TECR: variants seen among roughly 807,000 people sequenced by gnomAD.
TECR encodes trans-2,3-enoyl-CoA reductase.
Under a neutral mutation model 50.6 loss-of-function variants are expected in TECR, and 19 were observed. The observed-to-expected ratio is 0.38, with a 90% CI of 0.26 to 0.55. TECR has a LOEUF of 0.55. TECR is among the 20% of genes least tolerant of loss of function. The pLI is 0.79. For synonymous variants in TECR, 168 were observed against 163.5 expected (o/e 1.03, Z -0.21); for missense variants, 313 against 408.3 (o/e 0.77, Z 2.01).
Position 14,565,952 on chromosome 19 carries a change from C to G in TECR, c.*81C>G. 7 of 1,545,768 alleles carry G rather than the reference C, an allele frequency of 4.5e-6. No individual in the cohort carries two copies. Among genetic ancestry groups the G allele is most frequent in the Non-Finnish European group, 6.1e-6 (7 of 1,145,788 alleles). ...GTGGGGCCCACAGCTCTCCAGCACCCGGAATAAAGCCCGCCTGCCCCAGTC... is the reference window on the plus strand; with the variant it reads ...GTGGGGCCCACAGCTCTCCAGCACCGGGAATAAAGCCCGCCTGCCCCAGTC... On this transcript the variant is annotated 3_prime_UTR_variant, in exon 13 of 13. Coordinates refer to ENST00000215567, the MANE Select transcript of TECR (RefSeq NM_138501.6).
intron 1 of TECR, among the ~76,000 whole-genome samples, chr19:14,557,963 G>A (rs1402288594): frequency 6.6e-6 from 1 of 150,784 alleles, no homozygotes; most frequent in East Asian, 2.0e-4. Flanking sequence ...CACCGTGTTA[G>A]CCAGGATGGT....
At chr19:14,529,790 C>T (rs973963567) in intron 1 of TECR, 79 bp downstream of exon 1, 3 of 1,595,772 alleles carry the variant, frequency 1.9e-6, no homozygotes, top group Admixed American at 1.7e-5. Flanking sequence ...CGGGACCCCA[C>T]TTTCTGGTCC....
intron 1 of TECR, among the ~76,000 whole-genome samples, chr19:14,556,413 A>ATAAAACAAAAAC (rs1555735955): frequency 2.5e-4 from 22 of 86,634 alleles, no homozygotes; most frequent in African/African-American, 6.9e-4. Flanking sequence ...TCTCTCAAAA[A>ATAAAACAAAAAC]AAAAACAAAA....
intron 1 of TECR, among the ~76,000 whole-genome samples, chr19:14,537,768 C>T (rs763104513): frequency 7.5e-4 from 89 of 117,942 alleles, no homozygotes; most frequent in Non-Finnish European, 1.3e-3. Flanking sequence ...TTTTTTGAGA[C>T]GAAGTCTCGC....
intron 1 of TECR, among the ~76,000 whole-genome samples, chr19:14,539,140 A>ATTTTTTTTTTTTTTT (rs57801378): frequency 3.2e-5 from 3 of 92,532 alleles, no homozygotes; most frequent in African/African-American, 4.6e-5. Flanking sequence ...CGCCCGGCTA[A>ATTTTTTTTTTTTTTT]TTTTTTTTTT....
intron 1 of TECR, among the ~76,000 whole-genome samples, chr19:14,547,663 T>TG (rs2073350888): frequency 7.1e-6 from 1 of 140,902 alleles, no homozygotes; most frequent in Non-Finnish European, 1.5e-5. Context: ...TACCTAATAT[T>TG]TTTTTTTTTT....
At chr19:14,529,126 T>C, upstream of TECR, 1 of 180,666 alleles carries the variant, frequency 5.5e-6, no homozygotes, top group South Asian at 8.9e-5. Context: ...CATAGTGACC[T>C]CCTCGCCAAC....
intron 1 of TECR, 142 bp downstream of exon 1, chr19:14,529,853 C>A: frequency 1.8e-6 from 2 of 1,140,630 alleles, no homozygotes; most frequent in East Asian, 2.5e-5. Flanking sequence ...AAGCGTTGCG[C>A]CCCGGGCCAC....
At chr19:14,533,730 C>T (rs1435028862) in intron 1 of TECR, among the ~76,000 whole-genome samples, 1 of 152,074 alleles carries the variant, frequency 6.6e-6, no homozygotes, top group Admixed American at 6.6e-5. Flanking sequence ...AAAAGTTTTC[C>T]ACTCTGTGGC....
upstream of TECR, chr19:14,529,289 G>A (rs931468324): frequency 2.5e-5 from 9 of 360,358 alleles, no homozygotes; most frequent in Admixed American, 7.7e-5. Flanking sequence ...CCGCCCCCGC[G>A]TCTGGCCTAA....
In TECR at chr19:14,565,610, G is replaced by T. The variant is rs778561959; in HGVS notation, c.754-8G>T. On this transcript the variant is annotated splice_polypyrimidine_tract_variant and splice_region_variant and intron_variant, in intron 11 of 12. Transcript: ENST00000215567. ...CTGCCCACGCTCACTCTCCGCCCCT[G>T]CCCACAGGTGGGGTCCTGGATCGGT... The T allele has an allele frequency of 8.7e-6, 14 of 1,610,456 alleles. No homozygotes were observed. Among genetic ancestry groups the T allele is most frequent in the Non-Finnish European group, 1.2e-5 (14 of 1,179,370 alleles).
rs932694817 is a variant in TECR, at chr19:14,563,152, C to T, written c.67-54C>T. On this transcript the variant is annotated intron_variant, in intron 2 of 12. Transcript: ENST00000215567. This position sits in a 1 kb window ranked among gnomAD's most constrained non-coding sequence, Gnocchi z 5.3. ...GCCATCCCCTTTAGTACCTCCCCAT[C>T]CTGAGTCTGGGCTCCCCGCAGAGCT... 2 of 1,613,322 alleles carry T rather than the reference C, an allele frequency of 1.2e-6. No homozygotes were observed. The highest frequency in any genetic ancestry group is 1.7e-6 in the Non-Finnish European group (2 of 1,179,618).
At chr19:14,564,417 C>T in intron 7 of TECR, 130 bp downstream of exon 7, 1 of 791,184 alleles carries the variant, frequency 1.3e-6, no homozygotes, top group South Asian at 1.5e-5. Flanking sequence ...CCCCTAGGCC[C>T]CGCCTAACCT....
At chr19:14,529,511 CA>C (rs756999775), upstream of TECR, 40 of 769,962 alleles carry the variant, frequency 5.2e-5, no homozygotes, top group Non-Finnish European at 7.8e-5. Context: ...CCCCAAGGAG[CA>C]GGGGCGAACG....
At chr19:14,535,907 T>A (rs919928972) in intron 1 of TECR, among the ~76,000 whole-genome samples, 1 of 152,036 alleles carries the variant, frequency 6.6e-6, no homozygotes, top group Non-Finnish European at 1.5e-5. Flanking sequence ...GGCTTCTTGC[T>A]TTGAGCAGAT....
chr19:14,539,077 G>A (rs1405413781), intron 1 of TECR, among the ~76,000 whole-genome samples: 8 of 148,508 alleles, frequency 5.4e-5, no homozygotes, highest in Non-Finnish European at 1.0e-4. Flanking sequence ...GGGTTCATGC[G>A]ATTCTCCTGC....
At chr19:14,530,458 T>C (rs1184344970) in intron 1 of TECR, 1 of 152,240 alleles carries the variant, frequency 6.6e-6, no homozygotes, top group Non-Finnish European at 1.5e-5. Context: ...TGCTGACTTT[T>C]AAGTAACTAT....
intron 1 of TECR, among the ~76,000 whole-genome samples, chr19:14,542,497 G>A (rs557542879): frequency 1.3e-5 from 2 of 151,576 alleles, no homozygotes; most frequent in East Asian, 1.9e-4. Flanking sequence ...GAGTAGCTGG[G>A]ATTACAGGCA....
In TECR at chr19:14,563,170, G is replaced by A. The variant is rs372968700; in HGVS notation, c.67-36G>A. The stretch of plus-strand genomic sequence containing the variant: ...TCCCCATCCTGAGTCTGGGCTCCCC[G>A]CAGAGCTGACGTCCCTGCGCCTGTG... On this transcript the variant is annotated intron_variant, in intron 2 of 12. Coordinates refer to ENST00000215567, the MANE Select transcript of TECR (RefSeq NM_138501.6). The surrounding 1 kb of genome is among the most constrained non-coding windows in gnomAD (Gnocchi z 5.3). 39 of 1,613,078 alleles carry A rather than the reference G, an allele frequency of 2.4e-5. No individual in the cohort carries two copies. The African/African-American group carries it at 3.1e-4, about 13-fold the overall frequency.
Sources: allele counts gnomAD v4.1 joint callset (sites outside exome capture counted in the v4.1 genomes callset), GRCh38; gene constraint gnomAD v4.1.1; non-coding constraint Gnocchi (gnomAD v3.1); transcripts MANE v1.5; gene names NCBI Gene and HGNC (gene_info 2026-07-23, HGNC 2026-07-21).